The following CDC5L variants were observed in gnomAD, a reference collection of about 807,000 sequenced individuals.
CDC5L encodes cell division cycle 5 like, also known as cell division cycle 5-like protein.
In CDC5L, 18 loss-of-function variants were observed where a neutral mutation model predicts 104.1. The ratio of observed to expected loss-of-function variants is 0.17; its 90% confidence interval spans 0.12 to 0.26. CDC5L has a LOEUF of 0.26. Among genes scored for constraint, CDC5L ranks in the 10% least tolerant of loss-of-function variants. CDC5L has a pLI of 1.00. For missense variants in CDC5L, 673 were observed against 956.9 expected (o/e 0.70, Z 3.91); for synonymous variants, 331 against 322.7 (o/e 1.03, Z -0.28).
intron 5 of CDC5L, among the ~76,000 whole-genome samples, chr6:44,398,489 C>T (rs565111110): frequency 4.1e-4 from 63 of 152,330 alleles, no homozygotes; most frequent in Non-Finnish European, 7.5e-4. Flanking sequence ...ATCTACACAT[C>T]TTTGTAAGTT....
At chr6:44,427,386 A>G (rs1792472652) in intron 13 of CDC5L, among the ~76,000 whole-genome samples, 1 of 152,154 alleles carries the variant, frequency 6.6e-6, no homozygotes, top group South Asian at 2.1e-4. Flanking sequence ...CATTAGCTTA[A>G]AAGTCTTTTT....
chr6:44,390,729 T>C (rs913502779), intron 2 of CDC5L, among the ~76,000 whole-genome samples: 2 of 152,170 alleles, frequency 1.3e-5, no homozygotes, highest in Non-Finnish European at 2.9e-5. Context: ...TGTAAATTAA[T>C]TGTGTTCTAA....
At chr6:44,405,995 G>A (rs778569633) in intron 6 of CDC5L, among the ~76,000 whole-genome samples, 15 of 151,476 alleles carry the variant, frequency 9.9e-5, no homozygotes, top group Middle Eastern at 3.2e-3. Flanking sequence ...TCTGTCTCCC[G>A]GGCTCTAATG....
chr6:44,403,704 CTA>C (rs1288504684), intron 5 of CDC5L, 103 bp from the exon 6 acceptor site: 2 of 777,204 alleles, frequency 2.6e-6, no homozygotes, highest in Middle Eastern at 3.3e-4. Context: ...ATTTAAATAA[CTA>C]TTTCTTCCCC....
chr6:44,428,170 G>A (rs1018656359), intron 13 of CDC5L, among the ~76,000 whole-genome samples: 2 of 152,086 alleles, frequency 1.3e-5, no homozygotes, highest in Non-Finnish European at 2.9e-5. Context: ...GAGTGAAATA[G>A]CATTTCTCTT....
intron 7 of CDC5L, among the ~76,000 whole-genome samples, 190 bp from the exon 8 acceptor site, chr6:44,408,254 A>T (rs530522125): frequency 6.6e-6 from 1 of 151,332 alleles, no homozygotes; most frequent in East Asian, 1.9e-4. Flanking sequence ...GTCAGCTCTC[A>T]GTTAAAATGT....
intron 10 of CDC5L, among the ~76,000 whole-genome samples, chr6:44,423,292 A>G (rs1561975827): frequency 6.6e-6 from 1 of 152,234 alleles, no homozygotes; most frequent in Non-Finnish European, 1.5e-5. Flanking sequence ...GATATCAACT[A>G]AAGCCAACTC....
chr6:44,442,985 T>A (rs978685134), intron 14 of CDC5L, among the ~76,000 whole-genome samples: 4 of 140,532 alleles, frequency 2.8e-5, no homozygotes, highest in Non-Finnish European at 6.1e-5. Flanking sequence ...ACAGGGTTGC[T>A]GGGTATAGTA....
At chr6:44,436,540 G>T (rs1426299824) in intron 14 of CDC5L, among the ~76,000 whole-genome samples, 1 of 152,038 alleles carries the variant, frequency 6.6e-6, no homozygotes, top group Non-Finnish European at 1.5e-5. Flanking sequence ...ATGATTTGTG[G>T]TGTATGGTCT....
At chr6:44,441,754 G>A (rs1202365664) in intron 14 of CDC5L, among the ~76,000 whole-genome samples, 1 of 151,952 alleles carries the variant, frequency 6.6e-6, no homozygotes, top group Admixed American at 6.6e-5. Context: ...CCACTTGTAT[G>A]TCGTCTTTTG....
intron 1 of CDC5L, among the ~76,000 whole-genome samples, chr6:44,388,799 C>G (rs183260327): frequency 6.6e-6 from 1 of 151,750 alleles, no homozygotes; most frequent in Non-Finnish European, 1.5e-5. Flanking sequence ...CCCCGATATT[C>G]TCATGATACC....
At chr6:44,420,059 C>T (rs541725380) in intron 9 of CDC5L, among the ~76,000 whole-genome samples, 6 of 152,046 alleles carry the variant, frequency 3.9e-5, no homozygotes, top group Admixed American at 1.3e-4. Flanking sequence ...ATTATGTAAT[C>T]CTTTTATGTA....
intron 1 of CDC5L, 132 bp downstream of exon 1, chr6:44,388,000 T>C (rs1270456822): frequency 2.6e-6 from 2 of 754,864 alleles, no homozygotes; most frequent in Non-Finnish European, 4.3e-6. Context: ...GGGCTGACCC[T>C]TGGGGCCCTT....
At chr6:44,392,232 G>A (rs953917944) in intron 2 of CDC5L, among the ~76,000 whole-genome samples, 10 of 152,114 alleles carry the variant, frequency 6.6e-5, no homozygotes. Context: ...GAAAGGTTAC[G>A]GTGAATTTAG....
At position 44,406,306 on chromosome 6, in the gene CDC5L, A is replaced by G. The variant is rs373583499; in HGVS notation, c.759-17A>G. ...TATGTAACTTAAAAATCTCTTTTCT[A>G]CTTTGATCCATGACAGTGAAAAAGA... is the stretch of plus-strand genomic sequence containing the variant. On this transcript the variant is annotated splice_polypyrimidine_tract_variant and intron_variant, in intron 6 of 15. Transcript: ENST00000371477. The G allele has an allele frequency of 2.2e-5, 35 of 1,574,186 alleles. No homozygotes were observed. Among genetic ancestry groups the G allele is most frequent in the Non-Finnish European group, 2.4e-5 (28 of 1,158,332 alleles).
At chr6:44,442,653 TAACA>T (rs1793258395) in intron 14 of CDC5L, among the ~76,000 whole-genome samples, 1 of 152,162 alleles carries the variant, frequency 6.6e-6, no homozygotes, top group South Asian at 2.1e-4. Flanking sequence ...TTTATTCCCT[TAACA>T]AATTGTTGCA....
intron 6 of CDC5L, 73 bp downstream of exon 6, chr6:44,404,100 C>T (rs1310066651): frequency 1.1e-6 from 1 of 907,778 alleles, no homozygotes; most frequent in East Asian, 2.8e-5. Flanking sequence ...AAGTATTATC[C>T]TTGTCAGAGC....
At chr6:44,414,616 G>A (rs909747581) in intron 8 of CDC5L, among the ~76,000 whole-genome samples, 3 of 151,516 alleles carry the variant, frequency 2.0e-5, no homozygotes, top group East Asian at 1.9e-4. Flanking sequence ...AATTATATAC[G>A]TGAACCATTG....
intron 14 of CDC5L, among the ~76,000 whole-genome samples, chr6:44,436,866 A>G (rs1792963348): frequency 6.6e-6 from 1 of 152,196 alleles, no homozygotes; most frequent in African/African-American, 2.4e-5. Flanking sequence ...TTACCCTTTC[A>G]TATTTGATCA....
Sources: gnomAD v4.1 joint callset for allele counts (sites outside exome capture counted in the v4.1 genomes callset) on GRCh38, gnomAD v4.1.1 for gene constraint, MANE v1.5 for transcripts, NCBI Gene and HGNC (gene_info 2026-07-23, HGNC 2026-07-21) for gene names.